Variants in UTRN observed in about 807,000 individuals in gnomAD.
UTRN encodes the protein utrophin, also known as dystrophin-related protein 1.
A neutral mutation model predicts 463.9 loss-of-function variants in UTRN; 283 were observed. The ratio of observed to expected loss-of-function variants is 0.61; its 90% CI spans 0.55 to 0.67. The LOEUF is 0.67. Ranked by LOEUF, UTRN falls within the 30% of genes least tolerant of loss-of-function variation. The pLI is 0.00. For synonymous variants in UTRN, 1,442 were observed against 1,431.5 expected (o/e 1.01, Z -0.17); for missense variants, 3,922 against 4,084.3 (o/e 0.96, Z 1.08).
At chr6:144,530,536 G>T (rs373892312) in intron 41 of UTRN, among the ~76,000 whole-genome samples, 4 of 152,204 alleles carry the variant, frequency 2.6e-5, no homozygotes, top group African/African-American at 9.6e-5. Context: ...CTTTATTCTT[G>T]CCGGGAACTA....
At chr6:144,353,524 C>T (rs970194157) in intron 2 of UTRN, among the ~76,000 whole-genome samples, 1 of 151,772 alleles carries the variant, frequency 6.6e-6, no homozygotes, top group African/African-American at 2.4e-5. Context: ...TCCCAAAGTG[C>T]TGGGATAACA....
intron 23 of UTRN, among the ~76,000 whole-genome samples, chr6:144,471,456 A>C (rs577153862): frequency 1.8e-3 from 277 of 152,368 alleles, no homozygotes; most frequent in African/African-American, 6.3e-3. Context: ...TTAAAAGTGC[A>C]GAATGGAGAT....
At chr6:144,598,289 G>A (rs542018388) in intron 51 of UTRN, among the ~76,000 whole-genome samples, 1 of 152,206 alleles carries the variant, frequency 6.6e-6, no homozygotes, top group Admixed American at 6.5e-5. Context: ...GGGACAACTT[G>A]AAGTGGCTTC....
Position 144,514,709 on chromosome 6 carries a change from C to T in UTRN, c.5133C>T (p.Ala1711=), listed in dbSNP as rs1417207708. 8 of 1,614,084 alleles carry T rather than the reference C, an allele frequency of 5.0e-6. No individual in the cohort carries two copies. The highest frequency in any genetic ancestry group is 2.2e-5 in the East Asian group (1 of 44,872). Residue 1711 remains alanine, a synonymous_variant, in exon 37 of 75, where the codon GCC becomes GCT. Coordinates refer to ENST00000367545, the MANE Select transcript of UTRN (RefSeq NM_007124.3). ...NLQVENVRDQ[A]LILMNARGSS... ...AGGTTGAAAATGTCCGCGATCAAGCCCTTATTTTGATGAATGCCCGTGGAA... is the reference window on the plus strand; with the variant it reads ...AGGTTGAAAATGTCCGCGATCAAGCTCTTATTTTGATGAATGCCCGTGGAA...
At chr6:144,388,065 C>T (rs373335661) in intron 2 of UTRN, among the ~76,000 whole-genome samples, 2 of 152,124 alleles carry the variant, frequency 1.3e-5, no homozygotes, top group Admixed American at 1.3e-4. Context: ...GAAGGTATTA[C>T]GTATTTATTA....
intron 63 of UTRN, 106 bp from the exon 64 acceptor site, chr6:144,797,718 A>T: frequency 8.8e-7 from 1 of 1,135,008 alleles, no homozygotes; most frequent in Non-Finnish European, 1.2e-6. Context: ...AGAGTTATAT[A>T]GTTTCCTCTT....
intron 54 of UTRN, among the ~76,000 whole-genome samples, chr6:144,732,214 TTATATATATATATATATATATATACA>T (rs1193218008): frequency 1.1e-5 from 1 of 92,304 alleles, no homozygotes; most frequent in Non-Finnish European, 2.0e-5. Flanking sequence ...GTACTCTGTT[TTATATATATATATATATATATATACA>T]TATATATATA....
chr6:144,568,120 G>T (rs1323172405), intron 50 of UTRN, among the ~76,000 whole-genome samples: 1 of 152,022 alleles, frequency 6.6e-6, no homozygotes, highest in Non-Finnish European at 1.5e-5. Flanking sequence ...TTACTGTAAA[G>T]TGTTATAAAT....
chr6:144,808,960 A>C (rs573995653), intron 65 of UTRN, among the ~76,000 whole-genome samples: 5 of 152,252 alleles, frequency 3.3e-5, no homozygotes, highest in Non-Finnish European at 7.4e-5. Context: ...ATAATGCTAC[A>C]GTGCACATAG....
chr6:144,692,894 A>T (rs1783581924), intron 52 of UTRN, among the ~76,000 whole-genome samples: 1 of 151,684 alleles, frequency 6.6e-6, no homozygotes, highest in African/African-American at 2.4e-5. Context: ...GCTTAATTAG[A>T]TCCCATTTAT....
At position 144,807,392 on chromosome 6, in the gene UTRN, T is replaced by G. The variant is rs4143940; in HGVS notation, c.9357+4245T>G. On this transcript the variant is annotated intron_variant, in intron 65 of 74. Transcript: ENST00000367545. ...TGAAAGTATTTTATGATATTGATAA[T>G]TTATATATGTATATATAAATTATCT... 3.1e-3 allele frequency among the ~76,000 whole-genome samples: 476 copies of G among 152,234 alleles called. 19 individuals are homozygous for G. The East Asian group carries it at 0.076, about 24-fold the overall frequency.
intron 51 of UTRN, among the ~76,000 whole-genome samples, chr6:144,604,389 G>A (rs1485756602): frequency 6.6e-6 from 1 of 152,146 alleles, no homozygotes; most frequent in Non-Finnish European, 1.5e-5. Context: ...AAAATTGCAT[G>A]TTGTTACTAT....
At chr6:144,293,894 A>ATGTG (rs57561876) in intron 2 of UTRN, among the ~76,000 whole-genome samples, 4,029 of 148,616 alleles carry the variant, frequency 0.027, 159 homozygotes, top group East Asian at 0.16. Context: ...GATGTGTGTG[A>ATGTG]TGTGTGTGTG....
chr6:144,294,159 T>G (rs1804488001), intron 2 of UTRN, among the ~76,000 whole-genome samples: 1 of 152,168 alleles, frequency 6.6e-6, no homozygotes, highest in Non-Finnish European at 1.5e-5. Context: ...TTAGAGTGTT[T>G]AGATGCCAAG....
rs1562884885 is a variant in UTRN at position 144,768,968 on chromosome 6, T to TTG, written c.8496-2938_8496-2937insGT. On this transcript the variant is annotated intron_variant, in intron 58 of 74. Coordinates refer to ENST00000367545, the MANE Select transcript of UTRN (RefSeq NM_007124.3). ...TTTTTGTTTTGTTTTGTTTTTTTTT[T>TTG]TTTAATTTTATTCTTGGATAGATTC... Among the ~76,000 whole-genome samples, 88 of 151,248 alleles carry TTG rather than the reference T, an allele frequency of 5.8e-4. 2 individuals are homozygous for TTG. The East Asian group carries it at 0.013, about 23-fold the overall frequency.
chr6:144,786,060 A>G (rs998864165), intron 61 of UTRN, among the ~76,000 whole-genome samples: 1 of 152,212 alleles, frequency 6.6e-6, no homozygotes, highest in Non-Finnish European at 1.5e-5. Flanking sequence ...CTTTATAGTT[A>G]AACCAGTTTA....
At chr6:144,566,119 CA>C (rs1405660148) in intron 50 of UTRN, among the ~76,000 whole-genome samples, 2 of 152,214 alleles carry the variant, frequency 1.3e-5, no homozygotes, top group African/African-American at 4.8e-5. Context: ...CCAGAAAAGT[CA>C]ACGAGAAGGT....
chr6:144,708,876 G>C (rs544506070), intron 53 of UTRN, among the ~76,000 whole-genome samples: 1 of 152,280 alleles, frequency 6.6e-6, no homozygotes, highest in East Asian at 1.9e-4. Flanking sequence ...GCCTGTATCT[G>C]ATGAGGGTCT....
chr6:144,397,663 A>T (rs1782565577), intron 2 of UTRN, among the ~76,000 whole-genome samples: 1 of 152,016 alleles, frequency 6.6e-6, no homozygotes, highest in Non-Finnish European at 1.5e-5. Context: ...TGAAATGAAG[A>T]GGTATTGACT....
Sources: gnomAD v4.1 joint callset for allele counts (sites outside exome capture counted in the v4.1 genomes callset) on GRCh38, gnomAD v4.1.1 for gene constraint, MANE v1.5 for transcripts, NCBI Gene and HGNC (gene_info 2026-07-23, HGNC 2026-07-21) for gene names.